PARD3B: variants seen among roughly 807,000 people sequenced by gnomAD.
PARD3B encodes partitioning defective 3 homolog B.
Under a neutral mutation model 130.2 loss-of-function variants are expected in PARD3B, and 103 were observed. The ratio of observed to expected loss-of-function variants is 0.79; its 90% CI spans 0.67 to 0.93. PARD3B has a LOEUF of 0.93. Among genes scored for constraint, PARD3B ranks in the 40% least tolerant of loss-of-function variants. PARD3B has a pLI of 0.00. For missense variants in PARD3B, 1,609 were observed against 1,499.2 expected, an observed-to-expected ratio of 1.07 and a Z score of -1.21; for synonymous variants, 583 against 553.2, an observed-to-expected ratio of 1.05 and a Z score of -0.76.
At chr2:205,153,770 A>C (rs1225285760) in intron 10 of PARD3B, among the ~76,000 whole-genome samples, 3 of 152,222 alleles carry the variant, frequency 2.0e-5, no homozygotes, top group Admixed American at 2.0e-4. Flanking sequence ...ATCTTCAACA[A>C]ACCTGACAAA....
intron 3 of PARD3B, among the ~76,000 whole-genome samples, chr2:205,010,982 G>A (rs1183766030): frequency 6.6e-6 from 1 of 151,980 alleles, no homozygotes; most frequent in Admixed American, 6.6e-5. Context: ...ATCCTCAGCT[G>A]TATGTTTATA....
At chr2:205,248,380 T>G (rs1299210332) in intron 16 of PARD3B, among the ~76,000 whole-genome samples, 4 of 145,276 alleles carry the variant, frequency 2.8e-5, no homozygotes, top group African/African-American at 1.1e-4. Context: ...TCATTGGGAT[T>G]TGGTGGTGGT....
At chr2:204,942,919 CT>C (rs1193469112) in intron 2 of PARD3B, among the ~76,000 whole-genome samples, 27 of 152,184 alleles carry the variant, frequency 1.8e-4, no homozygotes, top group African/African-American at 6.5e-4. Context: ...GAAAAAACAT[CT>C]ACTGTGTACT....
At chr2:205,047,760 T>C (rs920579285) in intron 4 of PARD3B, 70 bp downstream of exon 4, 5 of 1,167,846 alleles carry the variant, frequency 4.3e-6, no homozygotes, top group Middle Eastern at 2.4e-4. Flanking sequence ...AGTGGGACTT[T>C]GCAGTTTTAA....
intron 14 of PARD3B, among the ~76,000 whole-genome samples, chr2:205,192,913 C>T (rs1418622063): frequency 6.6e-6 from 1 of 152,130 alleles, no homozygotes; most frequent in African/African-American, 2.4e-5. Context: ...CCTCTTTACC[C>T]ACTTAAAGTT....
chr2:205,615,129 AC>A (rs1458121295), intron 22 of PARD3B, among the ~76,000 whole-genome samples: 1 of 152,166 alleles, frequency 6.6e-6, no homozygotes, highest in Non-Finnish European at 1.5e-5. Flanking sequence ...CCTCTCATGC[AC>A]CAATGTGAAT....
At chr2:204,770,855 A>G (rs1001440846) in intron 2 of PARD3B, among the ~76,000 whole-genome samples, 17 of 152,038 alleles carry the variant, frequency 1.1e-4, no homozygotes, top group Admixed American at 2.6e-4. Flanking sequence ...TTGTTTTGCC[A>G]TTGACCAAGA....
intron 2 of PARD3B, among the ~76,000 whole-genome samples, chr2:204,918,988 T>C (rs1224568323): frequency 1.3e-5 from 2 of 152,168 alleles, no homozygotes; most frequent in South Asian, 2.1e-4. Flanking sequence ...CTGACTTTTT[T>C]CCACATTTTA....
At chr2:204,924,840 C>T (rs575825219) in intron 2 of PARD3B, among the ~76,000 whole-genome samples, 120 of 151,970 alleles carry the variant, frequency 7.9e-4, no homozygotes, top group African/African-American at 2.7e-3. Context: ...GAATGATCAG[C>T]GAGGCTAATA....
At chr2:205,326,005 T>C (rs973776977) in intron 18 of PARD3B, among the ~76,000 whole-genome samples, 3 of 152,190 alleles carry the variant, frequency 2.0e-5, no homozygotes, top group African/African-American at 7.2e-5. Flanking sequence ...AAATGGAATC[T>C]GTGAAAACTG....
At chr2:205,182,784 G>GTGAT (rs2035866796) in intron 13 of PARD3B, among the ~76,000 whole-genome samples, 1 of 152,216 alleles carries the variant, frequency 6.6e-6, no homozygotes, top group Non-Finnish European at 1.5e-5. Flanking sequence ...GCTCCATGCA[G>GTGAT]TGATTACAGG....
Position 204,832,203 on chromosome 2 carries a change from G to A in PARD3B, c.223-132949G>A, listed in dbSNP as rs183503983. On this transcript the variant is annotated intron_variant, in intron 2 of 22. Transcript: ENST00000406610. ...ATCACGCCACTGCACTCCAGTCTGG[G>A]CGACTGAGCGAGACTCTGTCTCAAA... Among the ~76,000 whole-genome samples, 176 of 152,112 alleles carry A rather than the reference G, an allele frequency of 1.2e-3. 3 individuals are homozygous for A. In the East Asian group the frequency reaches 0.033, roughly 29 times the overall value.
intron 2 of PARD3B, among the ~76,000 whole-genome samples, chr2:204,883,435 A>G (rs2046138840): frequency 5.8e-5 from 6 of 103,622 alleles, no homozygotes; most frequent in Admixed American, 3.2e-4. Flanking sequence ...TATATATAAA[A>G]TATATATATA....
chr2:204,678,863 T>C lies in PARD3B; in HGVS notation c.121-7318T>C, dbSNP rs528135931. Among the ~76,000 whole-genome samples the C allele has an allele frequency of 2.7e-3, 409 of 152,256 alleles. 3 individuals carry two copies. The highest frequency in any genetic ancestry group is 9.7e-3 in the African/African-American group (402 of 41,540). ...CAGGGAGCTGCCCTCTTCTATCCAG[T>C]ATTTCCCTGCCTCCTGTCGGTATCG... On this transcript the variant is annotated intron_variant, in intron 1 of 22. Coordinates refer to ENST00000406610, the MANE Select transcript of PARD3B (RefSeq NM_001302769.2). The surrounding 1 kb of genome is among the most constrained non-coding windows in gnomAD (Gnocchi z 4.2).
At chr2:204,895,477 G>A (rs745418383) in intron 2 of PARD3B, among the ~76,000 whole-genome samples, 4 of 151,876 alleles carry the variant, frequency 2.6e-5, no homozygotes, top group Non-Finnish European at 4.4e-5. Flanking sequence ...GTATTTAACC[G>A]ATATATATCT....
intron 1 of PARD3B, among the ~76,000 whole-genome samples, chr2:204,556,423 A>C (rs1283346158): frequency 7.9e-5 from 12 of 152,202 alleles, no homozygotes; most frequent in Admixed American, 7.9e-4. Flanking sequence ...TAAGGCACAC[A>C]CGTGAATAAG....
At chr2:204,817,593 G>C (rs2043191818) in intron 2 of PARD3B, among the ~76,000 whole-genome samples, 1 of 152,010 alleles carries the variant, frequency 6.6e-6, no homozygotes, top group Non-Finnish European at 1.5e-5. Context: ...TTTCTAATAG[G>C]TATGTGTTGA....
chr2:205,266,164 C>A (rs1382084225), intron 16 of PARD3B, among the ~76,000 whole-genome samples: 2 of 152,040 alleles, frequency 1.3e-5, no homozygotes, highest in African/African-American at 4.8e-5. Flanking sequence ...GTCTCCCAGA[C>A]CCACCAAATA....
At chr2:204,862,787 G>A (rs2045263869) in intron 2 of PARD3B, among the ~76,000 whole-genome samples, 1 of 152,130 alleles carries the variant, frequency 6.6e-6, no homozygotes, top group Non-Finnish European at 1.5e-5. Context: ...ACACGACCAG[G>A]AAAGATTAGG....
Sources: gnomAD v4.1 joint callset for allele counts (sites outside exome capture counted in the v4.1 genomes callset) on GRCh38, gnomAD v4.1.1 for gene constraint, Gnocchi (gnomAD v3.1) non-coding constraint, MANE v1.5 for transcripts, NCBI Gene and HGNC (gene_info 2026-07-23, HGNC 2026-07-21) for gene names.